The following ZRANB1 variants were observed in gnomAD, a reference collection of about 807,000 sequenced individuals.
The protein encoded by ZRANB1 is zinc finger RANBP2-type containing 1.
Under a neutral mutation model 80.5 loss-of-function variants are expected in ZRANB1, and 16 were observed. The observed-to-expected ratio is 0.20, with a 90% CI of 0.13 to 0.30. The LOEUF (loss-of-function observed/expected upper bound fraction) is 0.30, where lower values mean the gene tolerates loss of function less well. Among genes scored for constraint, ZRANB1 ranks in the 10% least tolerant of loss-of-function variants. ZRANB1 has a pLI of 1.00. For missense variants in ZRANB1, 576 were observed against 862.6 expected, an observed-to-expected ratio of 0.67 and a Z score of 4.16; for synonymous variants, 291 against 293.1, an observed-to-expected ratio of 0.99 and a Z score of 0.07.
At chr10:124,922,613 CT>C in the ZRANB1 span, among the ~76,000 whole-genome samples, 1 of 151,682 alleles carries the variant, frequency 6.6e-6, no homozygotes, top group African/African-American at 2.4e-5. Context: ...CTGCCTCAGC[CT>C]TCTGAGTAGC....
In ZRANB1 at chr10:124,983,736, GA is replaced by G; in HGVS notation, c.1908+51del. ...TATTTCTAGTAGTGACCTTGTACCA[GA>G]AACAGCCTGAAGTGCCTTTCAGGTG... On this transcript the variant is annotated intron_variant, in intron 8 of 8. Transcript: ENST00000359653. This position sits in a 1 kb window ranked among gnomAD's most constrained non-coding sequence, Gnocchi z 6.2. The G allele has an allele frequency of 7.0e-7, 1 of 1,432,306 alleles. No individual in the cohort carries two copies. The highest frequency in any genetic ancestry group is 9.5e-7 in the Non-Finnish European group (1 of 1,049,088). 88.7% of individuals were successfully genotyped at this position (1,432,306 alleles called of 1,614,324 possible). A position where few individuals can be genotyped will look rare whatever the true frequency, so the allele number is the denominator to read the frequency against.
rs1352998617 is a variant in ZRANB1, at chr10:124,987,551, T to C, written c.*2559T>C. 1.3e-5 allele frequency: 2 copies of C among 152,192 alleles called. No homozygotes were observed. Among genetic ancestry groups the C allele is most frequent in the Admixed American group, 6.5e-5 (1 of 15,276 alleles). 9.4% of individuals were successfully genotyped at this position (152,192 alleles called of 1,614,324 possible). A position where few individuals can be genotyped will look rare whatever the true frequency, so the allele number is the denominator to read the frequency against. On this transcript the variant is annotated 3_prime_UTR_variant, in exon 9 of 9. Transcript: ENST00000359653. ...TGGCCTCCTTTTCACGCATATTTCA[T>C]TGCCTCTTTGATGAGTGGTTACGAA...
chr10:124,972,709 TACACCAA>T (rs1301246569), intron 3 of ZRANB1, among the ~76,000 whole-genome samples: 7 of 152,156 alleles, frequency 4.6e-5, no homozygotes, highest in Admixed American at 2.0e-4. Context: ...ATTGAATAAA[TACACCAA>T]ACACCAAACG....
the ZRANB1 span, among the ~76,000 whole-genome samples, chr10:124,932,134 G>C: frequency 1.3e-5 from 2 of 152,070 alleles, no homozygotes; most frequent in Non-Finnish European, 2.9e-5. Context: ...TCTTTCTGTA[G>C]CTTTATAGCC....
At chr10:124,948,529 T>A (rs1170027517) in intron 1 of ZRANB1, among the ~76,000 whole-genome samples, 1 of 151,798 alleles carries the variant, frequency 6.6e-6, no homozygotes, top group Non-Finnish European at 1.5e-5. Context: ...TTTTTTTTCC[T>A]ATAAATAAGC....
At chr10:124,982,051 C>T (rs1951939031) in intron 6 of ZRANB1, among the ~76,000 whole-genome samples, 2 of 140,704 alleles carry the variant, frequency 1.4e-5, no homozygotes. Flanking sequence ...ATCGCAAGTC[C>T]TCACTGCAGA....
intron 5 of ZRANB1, among the ~76,000 whole-genome samples, chr10:124,975,959 C>T (rs535606906): frequency 2.6e-5 from 4 of 152,296 alleles, no homozygotes; most frequent in Admixed American, 6.5e-5. Context: ...GAGCCAAGAT[C>T]GTGCCACAGC....
chr10:124,925,482 A>G, the ZRANB1 span, among the ~76,000 whole-genome samples: 3 of 152,036 alleles, frequency 2.0e-5, no homozygotes, highest in Non-Finnish European at 4.4e-5. Flanking sequence ...AGAGTTCTTT[A>G]TGTATTCTGG....
At position 124,985,646 on chromosome 10, in the gene ZRANB1, T is replaced by G. The variant is rs1332472055; in HGVS notation, c.*654T>G. ...CTTGTTTTGAAGAGGGTTTTGGTTTTGGTTATTGTGTCTTTAAGTTTTCTG... is the reference window on the plus strand; with the variant it reads ...CTTGTTTTGAAGAGGGTTTTGGTTTGGGTTATTGTGTCTTTAAGTTTTCTG... On this transcript the variant is annotated 3_prime_UTR_variant, in exon 9 of 9. Coordinates refer to ENST00000359653, the MANE Select transcript of ZRANB1 (RefSeq NM_017580.3). 1.2e-5 allele frequency: 1 copy of G among 83,382 alleles called. No individual in the cohort carries two copies. Among genetic ancestry groups the G allele is most frequent in the African/African-American group, 3.3e-5 (1 of 30,490 alleles). 5.2% of individuals were successfully genotyped at this position (83,382 alleles called of 1,614,324 possible). A position where few individuals can be genotyped will look rare whatever the true frequency, so the allele number is the denominator to read the frequency against.
chr10:124,933,726 C>T, the ZRANB1 span, among the ~76,000 whole-genome samples: 27 of 152,222 alleles, frequency 1.8e-4, no homozygotes, highest in South Asian at 6.2e-4. Flanking sequence ...ATTTAAGGTA[C>T]GTGATTGACC....
the ZRANB1 span, among the ~76,000 whole-genome samples, chr10:124,934,681 A>G: frequency 4.6e-5 from 7 of 152,220 alleles, no homozygotes; most frequent in African/African-American, 1.4e-4. Flanking sequence ...AACTTGTTAA[A>G]CCTTCAAATT....
chr10:124,953,493 C>T (rs570923250), intron 1 of ZRANB1, among the ~76,000 whole-genome samples: 41 of 152,182 alleles, frequency 2.7e-4, no homozygotes, highest in African/African-American at 9.4e-4. Context: ...TTCAGGTCAG[C>T]GAAATAAATA....
intron 1 of ZRANB1, among the ~76,000 whole-genome samples, chr10:124,964,650 C>T (rs1048897294): frequency 6.6e-6 from 1 of 152,132 alleles, no homozygotes; most frequent in African/African-American, 2.4e-5. Flanking sequence ...CTAAATTGAT[C>T]AGACTCTTGG....
chr10:124,941,540 C>T (rs1014468001), upstream of ZRANB1, among the ~76,000 whole-genome samples: 6 of 151,980 alleles, frequency 3.9e-5, no homozygotes, highest in East Asian at 1.9e-4. Flanking sequence ...TTTATAGAGA[C>T]GGGGCTTTAC....
At chr10:124,933,423 C>T in the ZRANB1 span, among the ~76,000 whole-genome samples, 1 of 152,206 alleles carries the variant, frequency 6.6e-6, no homozygotes, top group South Asian at 2.1e-4. Context: ...AGGCGTGAGC[C>T]ACTGTGCCTG....
At chr10:124,949,288 T>C (rs777137455) in intron 1 of ZRANB1, among the ~76,000 whole-genome samples, 37 of 152,240 alleles carry the variant, frequency 2.4e-4, no homozygotes, top group Admixed American at 1.5e-3. Context: ...GGCGTTTATC[T>C]TACTTCCTAA....
intron 2 of ZRANB1, 80 bp downstream of exon 2, chr10:124,966,861 T>C: frequency 7.5e-7 from 1 of 1,340,646 alleles, no homozygotes; most frequent in Non-Finnish European, 1.0e-6. Context: ...TTTTATAATG[T>C]TTCTCTAAGC....
the ZRANB1 span, among the ~76,000 whole-genome samples, chr10:124,925,981 A>G: frequency 6.6e-6 from 1 of 152,240 alleles, no homozygotes; most frequent in East Asian, 1.9e-4. Flanking sequence ...TAGGCCATAA[A>G]CGCTGTATAG....
At chr10:124,960,413 A>G (rs1951723387) in intron 1 of ZRANB1, among the ~76,000 whole-genome samples, 1 of 152,108 alleles carries the variant, frequency 6.6e-6, no homozygotes. Context: ...TTTTCCTTTT[A>G]TCCTTTCTTC....
Sources: allele counts gnomAD v4.1 joint callset (sites outside exome capture counted in the v4.1 genomes callset), GRCh38; gene constraint gnomAD v4.1.1; non-coding constraint Gnocchi (gnomAD v3.1); transcripts MANE v1.5; gene names NCBI Gene and HGNC (gene_info 2026-07-23, HGNC 2026-07-21).